Variants in ZFAND3 observed in about 807,000 individuals in gnomAD.
The protein encoded by ZFAND3 is zinc finger AN1-type containing 3.
A neutral mutation model predicts 29.6 loss-of-function variants in ZFAND3; 10 were observed. The observed-to-expected ratio is 0.34, with a 90% confidence interval of 0.21 to 0.57. The LOEUF (loss-of-function observed/expected upper bound fraction) is 0.57. ZFAND3 is among the 20% of genes least tolerant of loss of function. The pLI is 0.86. For missense variants in ZFAND3, 230 were observed against 304.5 expected (o/e 0.76, Z 1.82); for synonymous variants, 128 against 112.6 (o/e 1.14, Z -0.87).
chr6:37,939,421 G>T (rs1174425593), intron 2 of ZFAND3, among the ~76,000 whole-genome samples: 14 of 152,046 alleles, frequency 9.2e-5, no homozygotes, highest in Admixed American at 7.9e-4. Flanking sequence ...GTTGTCATTG[G>T]CTCAGTCTTA....
chr6:37,946,574 CT>C (rs1161165302), intron 2 of ZFAND3, among the ~76,000 whole-genome samples: 1 of 152,060 alleles, frequency 6.6e-6, no homozygotes, highest in Non-Finnish European at 1.5e-5. Flanking sequence ...TTTTTTCCCC[CT>C]TTTTGGTGTC....
chr6:37,948,528 T>TC (rs940772862), intron 2 of ZFAND3, among the ~76,000 whole-genome samples: 3 of 152,186 alleles, frequency 2.0e-5, no homozygotes, highest in African/African-American at 7.2e-5. Flanking sequence ...AAATTATGTG[T>TC]CATGGGGGTT....
At position 37,970,042 on chromosome 6, in the gene ZFAND3, C is replaced by T. The variant is rs142292905; in HGVS notation, c.112+40043C>T. ...ACTTGGGAGGCTGAGACACAAGAAT[C>T]GCTTGAACCCAGAAGGCAGAGGTTG... is the stretch of plus-strand genomic sequence containing the variant. On this transcript the variant is annotated intron_variant, in intron 2 of 5. Coordinates refer to ENST00000287218, the MANE Select transcript of ZFAND3 (RefSeq NM_021943.3). Among the ~76,000 whole-genome samples the T allele has an allele frequency of 9.6e-3, 1,467 of 152,128 alleles. 16 individuals carry two copies. The highest frequency in any genetic ancestry group is 0.032 in the African/African-American group (1,343 of 41,476).
At chr6:38,080,633 A>G (rs564146878) in intron 3 of ZFAND3, among the ~76,000 whole-genome samples, 2 of 152,238 alleles carry the variant, frequency 1.3e-5, no homozygotes, top group East Asian at 3.9e-4. Context: ...GCAAGTAGGG[A>G]GTAGTTGTCA....
chr6:38,132,329 A>G (rs1388188540), intron 5 of ZFAND3, among the ~76,000 whole-genome samples: 2 of 152,184 alleles, frequency 1.3e-5, no homozygotes, highest in African/African-American at 4.8e-5. Flanking sequence ...TGGACAATGT[A>G]GCAAAAACCC....
At chr6:37,961,225 G>A (rs187446971) in intron 2 of ZFAND3, among the ~76,000 whole-genome samples, 1 of 152,318 alleles carries the variant, frequency 6.6e-6, no homozygotes, top group Admixed American at 6.5e-5. Context: ...AGTACTCCCT[G>A]TGGGCCTGAG....
At chr6:37,847,224 A>G (rs1425091371) in intron 1 of ZFAND3, among the ~76,000 whole-genome samples, 1 of 152,170 alleles carries the variant, frequency 6.6e-6, no homozygotes, top group East Asian at 1.9e-4. Context: ...TTTGAGAATT[A>G]TTTTAAAATA....
At chr6:38,042,967 G>C (rs1763820099) in intron 2 of ZFAND3, among the ~76,000 whole-genome samples, 1 of 151,994 alleles carries the variant, frequency 6.6e-6, no homozygotes, top group Non-Finnish European at 1.5e-5. Flanking sequence ...TCCCTTCTGT[G>C]CCTCACTTTG....
chr6:38,133,686 C>T (rs1244044743), intron 5 of ZFAND3, among the ~76,000 whole-genome samples: 2 of 151,440 alleles, frequency 1.3e-5, no homozygotes, highest in African/African-American at 4.9e-5. Context: ...GGAGGCAGAG[C>T]TTGCAGTGAG....
intron 1 of ZFAND3, among the ~76,000 whole-genome samples, chr6:37,912,290 C>T (rs1765537905): frequency 6.6e-6 from 1 of 152,058 alleles, no homozygotes; most frequent in African/African-American, 2.4e-5. Flanking sequence ...TAGATGGTAG[C>T]ACACAGAGTA....
intron 3 of ZFAND3, among the ~76,000 whole-genome samples, chr6:38,078,484 A>G (rs78667114): frequency 0.02 from 3,103 of 152,352 alleles, 95 homozygotes; most frequent in African/African-American, 0.071. Context: ...AATTTGCTTT[A>G]GCAAAAGAAA....
chr6:37,861,678 CT>C (rs1198889249), intron 1 of ZFAND3, among the ~76,000 whole-genome samples: 1 of 152,160 alleles, frequency 6.6e-6, no homozygotes, highest in Non-Finnish European at 1.5e-5. Context: ...CTCCATATAT[CT>C]GGCTGCAAAT....
At chr6:37,980,600 C>T (rs1033528320) in intron 2 of ZFAND3, among the ~76,000 whole-genome samples, 11 of 152,168 alleles carry the variant, frequency 7.2e-5, no homozygotes, top group Non-Finnish European at 1.3e-4. Flanking sequence ...CTTCTTCCAC[C>T]TCCTGCACAA....
chr6:38,089,205 C>T (rs1764817215), intron 4 of ZFAND3, among the ~76,000 whole-genome samples: 1 of 152,114 alleles, frequency 6.6e-6, no homozygotes, highest in African/African-American at 2.4e-5. Context: ...ACACTGCAAC[C>T]TCTGTCTCCC....
At chr6:38,021,029 A>T (rs7738734) in intron 2 of ZFAND3, among the ~76,000 whole-genome samples, 36 of 152,348 alleles carry the variant, frequency 2.4e-4, no homozygotes, top group African/African-American at 8.4e-4. Flanking sequence ...ATATGAAAGG[A>T]AATACATTTT....
chr6:37,990,342 T>C (rs1581818735), intron 2 of ZFAND3, among the ~76,000 whole-genome samples: 1 of 152,086 alleles, frequency 6.6e-6, no homozygotes, highest in East Asian at 1.9e-4. Context: ...GTGTGTATAT[T>C]CCCCCTCCCC....
In ZFAND3 at chr6:37,896,522, C is replaced by CT. The variant is rs1057189443; in HGVS notation, c.72-33434dup. Among the ~76,000 whole-genome samples the CT allele has an allele frequency of 9.5e-5, 10 of 105,400 alleles. No homozygotes were observed. The East Asian group carries it at 1.0e-3, about 11-fold the overall frequency. The allele number at this position is 105,400 out of a possible 152,430, so 69.1% of individuals were successfully genotyped here. A position where few individuals can be genotyped will look rare whatever the true frequency, so the allele number is the denominator to read the frequency against. ...AATTTTTTTCCTCTTTCTTTTCTTTCTTTCTTTCTTTCTTTCTTTCTTTCT... is the reference window on the plus strand; with the variant it reads ...AATTTTTTTCCTCTTTCTTTTCTTTCTTTTCTTTCTTTCTTTCTTTCTTTCT... On this transcript the variant is annotated intron_variant, in intron 1 of 5. Transcript: ENST00000287218.
intron 1 of ZFAND3, among the ~76,000 whole-genome samples, chr6:37,844,830 C>T (rs181330722): frequency 6.0e-4 from 90 of 149,844 alleles, no homozygotes; most frequent in Admixed American, 9.3e-4. Context: ...CTGGCTAACA[C>T]GGTGAAACTC....
At chr6:37,940,169 G>C (rs1032642323) in intron 2 of ZFAND3, among the ~76,000 whole-genome samples, 12 of 152,192 alleles carry the variant, frequency 7.9e-5, no homozygotes, top group Admixed American at 2.0e-4. Flanking sequence ...TTTTAGACTT[G>C]TCAGGAATAT....
Sources: gnomAD v4.1 joint callset for allele counts (sites outside exome capture counted in the v4.1 genomes callset) on GRCh38, gnomAD v4.1.1 for gene constraint, MANE v1.5 for transcripts, NCBI Gene and HGNC (gene_info 2026-07-23, HGNC 2026-07-21) for gene names.